Variants in EPHA5 observed in about 807,000 individuals in gnomAD.
EPHA5 encodes the protein ephrin type-A receptor 5.
EPHA5 carries 60 observed loss-of-function variants against 105.0 expected under a neutral mutation model. The observed-to-expected ratio is 0.57, with a 90% CI of 0.46 to 0.71. The LOEUF (loss-of-function observed/expected upper bound fraction) is 0.71, where lower values mean the gene tolerates loss of function less well. Among genes scored for constraint, EPHA5 ranks in the 30% least tolerant of loss-of-function variants. The probability of loss-of-function intolerance (pLI) is 0.00; values close to 1 mark genes in which losing one functional copy is unlikely to be tolerated. For synonymous variants in EPHA5, 513 were observed against 449.1 expected (o/e 1.14, Z -1.80); for missense variants, 1,218 against 1,274.7 (o/e 0.96, Z 0.68).
At chr4:65,352,549 C>A (rs1215525819) in intron 12 of EPHA5, among the ~76,000 whole-genome samples, 1 of 151,952 alleles carries the variant, frequency 6.6e-6, no homozygotes, top group African/African-American at 2.4e-5. Flanking sequence ...TCAATTACCA[C>A]GTGAACTCTG....
chr4:65,518,090 T>A (rs902286682), intron 3 of EPHA5, among the ~76,000 whole-genome samples: 1 of 151,952 alleles, frequency 6.6e-6, no homozygotes, highest in Non-Finnish European at 1.5e-5. Context: ...ACATTTTACA[T>A]CAGTTTTATT....
Position 65,365,122 on chromosome 4 carries a change from C to T in EPHA5, c.2068G>A (p.Val690Ile), listed in dbSNP as rs1717740722. The change falls in exon 11 of 17, where the codon GTA becomes ATA. Residue 690 changes from valine (V) to isoleucine (I), a missense_variant. By Grantham distance (29) the Val-to-Ile change is conservative. Around this residue, in one of 3 missense-constraint regions of EPHA5, gnomAD observed 971 missense variants for 1,013.5 expected, o/e 0.96. Transcript: ENST00000613740. ...CTGCGTTGCTTTTCAGTATAGCCTA[C>T]TTTAAGGGTTTTGATAGCCACAGGT... ...ELPVAIKTLK[V>I]GYTEKQRRDF... 1.2e-6 allele frequency: 2 copies of T among 1,611,792 alleles called. No individual in the cohort carries two copies. Among genetic ancestry groups the T allele is most frequent in the Non-Finnish European group, 1.7e-6 (2 of 1,178,478 alleles).
chr4:65,574,689 CAT>C (rs869208777), intron 3 of EPHA5, among the ~76,000 whole-genome samples: 157 of 82,912 alleles, frequency 1.9e-3, no homozygotes, highest in African/African-American at 4.7e-3. Context: ...CATATATATA[CAT>C]ATATATACAT....
chr4:65,592,598 T>G (rs1190098270), intron 3 of EPHA5, among the ~76,000 whole-genome samples: 1 of 151,876 alleles, frequency 6.6e-6, no homozygotes. Flanking sequence ...AACCTCCTAA[T>G]GGGAAGAAGA....
At chr4:65,586,655 T>TC (rs1183528594) in intron 3 of EPHA5, among the ~76,000 whole-genome samples, 1 of 152,020 alleles carries the variant, frequency 6.6e-6, no homozygotes, top group African/African-American at 2.4e-5. Flanking sequence ...TGTTTTTTTT[T>TC]CTCTCAAAGC....
intron 16 of EPHA5, among the ~76,000 whole-genome samples, chr4:65,329,691 C>G (rs1443077939): frequency 1.3e-5 from 2 of 150,998 alleles, no homozygotes; most frequent in Non-Finnish European, 3.0e-5. Context: ...AAAATTAATA[C>G]TTAGGTATGG....
intron 14 of EPHA5, among the ~76,000 whole-genome samples, chr4:65,343,310 CT>C (rs988776937): frequency 2.0e-5 from 3 of 152,026 alleles, no homozygotes; most frequent in Middle Eastern, 3.2e-3. Context: ...CTTAGTTGTT[CT>C]AGTTTATTTT....
At chr4:65,538,821 G>C (rs1192636084) in intron 3 of EPHA5, among the ~76,000 whole-genome samples, 1 of 151,646 alleles carries the variant, frequency 6.6e-6, no homozygotes, top group African/African-American at 2.4e-5. Flanking sequence ...TAAAGCTAAA[G>C]CCACTGCTCT....
At chr4:65,388,871 A>G (rs1720410642) in intron 8 of EPHA5, among the ~76,000 whole-genome samples, 1 of 151,790 alleles carries the variant, frequency 6.6e-6, no homozygotes, top group East Asian at 1.9e-4. Flanking sequence ...TTGGTGTTTT[A>G]GGCATGAAGT....
At chr4:65,638,136 G>A (rs777170216) in intron 2 of EPHA5, among the ~76,000 whole-genome samples, 23 of 152,220 alleles carry the variant, frequency 1.5e-4, no homozygotes, top group Admixed American at 2.6e-4. Context: ...AAAAAGTGAA[G>A]AAAGTGTAGT....
At chr4:65,420,684 A>T (rs1005375927) in intron 5 of EPHA5, 119 bp from the exon 6 acceptor site, 13 of 970,018 alleles carry the variant, frequency 1.3e-5, no homozygotes, top group Non-Finnish European at 1.7e-5. Context: ...AATCCCAATT[A>T]AATTTTAGTT....
At chr4:65,388,517 T>A (rs4563540) in intron 8 of EPHA5, among the ~76,000 whole-genome samples, 77,120 of 148,740 alleles carry the variant, frequency 0.52, 20,123 homozygotes, top group East Asian at 0.78. Context: ...ATTCTAACTG[T>A]TGTGAGATGG....
At chr4:65,525,068 G>GTA (rs1735104721) in intron 3 of EPHA5, among the ~76,000 whole-genome samples, 1 of 151,720 alleles carries the variant, frequency 6.6e-6, no homozygotes, top group South Asian at 2.1e-4. Context: ...GTCTTATGGT[G>GTA]TATATCTCAT....
chr4:65,421,325 T>G (rs1723926522), intron 5 of EPHA5, among the ~76,000 whole-genome samples: 1 of 152,108 alleles, frequency 6.6e-6, no homozygotes, highest in Non-Finnish European at 1.5e-5. Context: ...GATATATGTA[T>G]AGATAACATG....
At chr4:65,619,690 G>A (rs893374627) in intron 2 of EPHA5, among the ~76,000 whole-genome samples, 1 of 151,862 alleles carries the variant, frequency 6.6e-6, no homozygotes, top group African/African-American at 2.4e-5. Flanking sequence ...TTCAGCCAGA[G>A]AAATACTGAG....
chr4:65,525,625 T>C (rs1735157264), intron 3 of EPHA5, among the ~76,000 whole-genome samples: 1 of 151,842 alleles, frequency 6.6e-6, no homozygotes, highest in Non-Finnish European at 1.5e-5. Context: ...TGTTCACATT[T>C]AAACCAACAG....
intron 5 of EPHA5, among the ~76,000 whole-genome samples, chr4:65,449,016 G>A (rs1018325674): frequency 6.6e-6 from 1 of 152,020 alleles, no homozygotes; most frequent in African/African-American, 2.4e-5. Flanking sequence ...ACACAGAACA[G>A]ATGGACAGTT....
intron 3 of EPHA5, among the ~76,000 whole-genome samples, chr4:65,518,262 C>CT (rs1438997444): frequency 1.1e-4 from 17 of 151,438 alleles, no homozygotes; most frequent in African/African-American, 2.4e-5. Flanking sequence ...TTATCTTTTT[C>CT]TTTATTATCT....
rs1268517533 is a variant in EPHA5 at position 65,574,723 on chromosome 4, TATATATAC to T, written c.910+26910_910+26917del. The stretch of plus-strand genomic sequence containing the variant: ...ACATATATATACATATATATATACA[TATATATAC>T]ATATATATATACATATATATATATA... On this transcript the variant is annotated intron_variant, in intron 3 of 16. Transcript: ENST00000613740. 1.7e-3 allele frequency among the ~76,000 whole-genome samples: 186 copies of T among 111,708 alleles called. 2 individuals carry two copies. Among genetic ancestry groups the T allele is most frequent in the Admixed American group, 0.011 (119 of 10,554 alleles). 73.3% of individuals were successfully genotyped at this position (111,708 alleles called of 152,430 possible). A position where few individuals can be genotyped will look rare whatever the true frequency, so the allele number is the denominator to read the frequency against.
Sources: gnomAD v4.1 joint callset for allele counts (sites outside exome capture counted in the v4.1 genomes callset) on GRCh38, gnomAD v4.1.1 for gene constraint, gnomAD v4.1.1 regional missense constraint, MANE v1.5 for transcripts, NCBI Gene and HGNC (gene_info 2026-07-23, HGNC 2026-07-21) for gene names.